The following NADK2 variants were observed in gnomAD, a reference collection of about 807,000 sequenced individuals.
The protein encoded by NADK2 is NAD kinase domain-containing protein 1, mitochondrial.
A neutral mutation model predicts 62.1 loss-of-function variants in NADK2; 35 were observed. The observed-to-expected ratio is 0.56, with a 90% CI of 0.43 to 0.75. The LOEUF is 0.75. Among genes scored for constraint, NADK2 ranks in the 30% least tolerant of loss-of-function variants. The probability of loss-of-function intolerance (pLI) is 0.00; values close to 1 mark genes in which losing one functional copy is unlikely to be tolerated. For synonymous variants in NADK2, 205 were observed against 207.9 expected, an observed-to-expected ratio of 0.99 and a Z score of 0.12; for missense variants, 439 against 561.3, an observed-to-expected ratio of 0.78 and a Z score of 2.20.
chr5:36,230,564 T>C (rs1478113257), intron 1 of NADK2, among the ~76,000 whole-genome samples: 2 of 152,250 alleles, frequency 1.3e-5, no homozygotes, highest in Non-Finnish European at 2.9e-5. Context: ...AGGGCCTAAG[T>C]ACTAGCTAAG....
At chr5:36,224,135 G>T (rs1393298388) in intron 4 of NADK2, among the ~76,000 whole-genome samples, 2 of 152,080 alleles carry the variant, frequency 1.3e-5, no homozygotes, top group African/African-American at 4.8e-5. Flanking sequence ...TAGGAAGTTT[G>T]TGTGCAACTC....
At chr5:36,227,695 C>A (rs879058116) in intron 1 of NADK2, 130 bp from the exon 2 acceptor site, 1 of 422,780 alleles carries the variant, frequency 2.4e-6, no homozygotes, top group East Asian at 3.9e-5. Flanking sequence ...ACCTGTGAAA[C>A]CTACAAGTAC....
intron 7 of NADK2, among the ~76,000 whole-genome samples, chr5:36,211,581 T>C (rs1746846098): frequency 6.6e-6 from 1 of 151,730 alleles, no homozygotes; most frequent in African/African-American, 2.4e-5. Context: ...AAAGCATCTA[T>C]ATAAACAGAT....
At chr5:36,220,721 T>C (rs1431969595) in intron 4 of NADK2, among the ~76,000 whole-genome samples, 1 of 152,230 alleles carries the variant, frequency 6.6e-6, no homozygotes, top group African/African-American at 2.4e-5. Flanking sequence ...TCTAAAACCC[T>C]TGCAGAGAGA....
chr5:36,195,393 G>T (rs1360961196), intron 11 of NADK2, 111 bp from the exon 12 acceptor site: 1 of 1,150,866 alleles, frequency 8.7e-7, no homozygotes, highest in African/African-American at 1.6e-5. Flanking sequence ...AAATCAAGTT[G>T]TTCTCTGGTA....
rs563858093 is a variant in NADK2, at chr5:36,204,070, T to A, written c.957-2909A>T. Among the ~76,000 whole-genome samples the A allele has an allele frequency of 2.6e-5, 4 of 152,276 alleles. No homozygotes were observed. In the South Asian group the frequency reaches 8.3e-4, roughly 32 times the overall value. ...TGTATAACTTTGGCCTAAATATTTA[T>A]CCTTGCTAACCCTTAACTTACTCCT... On this transcript the variant is annotated intron_variant, in intron 8 of 11. Transcript: ENST00000381937.
chr5:36,207,784 A>C (rs746090846), intron 7 of NADK2, among the ~76,000 whole-genome samples: 46 of 152,140 alleles, frequency 3.0e-4, no homozygotes, highest in Non-Finnish European at 5.9e-5. Context: ...TTAGATAATA[A>C]AGCTGTAAAG....
chr5:36,202,592 C>T lies in NADK2; in HGVS notation c.957-1431G>A, dbSNP rs1038501587. Among the ~76,000 whole-genome samples the T allele has an allele frequency of 7.2e-5, 11 of 152,110 alleles. No homozygotes were observed. In the South Asian group the frequency reaches 1.5e-3, roughly 20 times the overall value. On this transcript the variant is annotated intron_variant, in intron 8 of 11. Transcript: ENST00000381937. ...CCCCAAACCTGTTTTTCTTCCTGAACGCATAGGTTATATTTTCTAGCTCTT... is the reference window on the plus strand; with the variant it reads ...CCCCAAACCTGTTTTTCTTCCTGAATGCATAGGTTATATTTTCTAGCTCTT...
At chr5:36,211,494 G>T (rs1746840077) in intron 7 of NADK2, among the ~76,000 whole-genome samples, 1 of 151,118 alleles carries the variant, frequency 6.6e-6, no homozygotes, top group Admixed American at 6.6e-5. Context: ...GGCAGAGGTT[G>T]AAGTGAGCCA....
chr5:36,196,628 T>C (rs1746242790), intron 11 of NADK2, among the ~76,000 whole-genome samples: 1 of 152,186 alleles, frequency 6.6e-6, no homozygotes, highest in South Asian at 2.1e-4. Flanking sequence ...ACTTCCAGTG[T>C]AGTTCAATTT....
At chr5:36,208,529 A>G in intron 7 of NADK2, 1 of 832,892 alleles carries the variant, frequency 1.2e-6, no homozygotes, top group South Asian at 1.7e-5. Context: ...GAGCAAATTT[A>G]GTGTCATTCT....
chr5:36,241,780 A>G lies in NADK2; in HGVS notation c.19T>C (p.Phe7Leu). The change falls in exon 1 of 12, where the codon TTC becomes CTC. Residue 7 changes from phenylalanine (F) to leucine (L), a missense_variant. Phe to Leu is a conservative substitution (Grantham distance 22). Transcript: ENST00000381937. This position sits in a 1 kb window ranked among gnomAD's most constrained non-coding sequence, Gnocchi z 4.9. MTCYRG[F>L]LLGSCCRVAG... The stretch of plus-strand genomic sequence containing the variant: ...ACGCGACAACAGCTGCCCAGCAAGA[A>G]GCCTCGGTAGCAAGTCATCGTGGGC... 1.5e-6 allele frequency: 2 copies of G among 1,338,190 alleles called. No homozygotes were observed. Among genetic ancestry groups the G allele is most frequent in the Non-Finnish European group, 1.9e-6 (2 of 1,039,868 alleles). The allele number at this position is 1,338,190 out of a possible 1,614,324, so 82.9% of individuals were successfully genotyped here.
intron 1 of NADK2, among the ~76,000 whole-genome samples, chr5:36,237,548 A>G (rs891933187): frequency 6.6e-6 from 1 of 152,230 alleles, no homozygotes; most frequent in East Asian, 1.9e-4. Flanking sequence ...AATATTTTGT[A>G]TCTTTTATAT....
At chr5:36,213,320 C>T (rs1746918550) in intron 6 of NADK2, 1 of 152,080 alleles carries the variant, frequency 6.6e-6, no homozygotes, top group Non-Finnish European at 1.5e-5. Context: ...ACTATAGTTA[C>T]CAAATACACT....
At chr5:36,216,784 A>G (rs143849157) in intron 6 of NADK2, among the ~76,000 whole-genome samples, 2,106 of 152,268 alleles carry the variant, frequency 0.014, 23 homozygotes, top group South Asian at 0.043. Context: ...ACCATCTATT[A>G]GTGGTAGAAG....
chr5:36,230,372 C>T (rs989737971), intron 1 of NADK2, among the ~76,000 whole-genome samples: 1 of 152,216 alleles, frequency 6.6e-6, no homozygotes, highest in South Asian at 2.1e-4. Context: ...CTAGTGCTGC[C>T]CTTGCAGCTG....
rs574883155 is a variant in NADK2 at position 36,195,247 on chromosome 5, A to G, written c.1226T>C (p.Met409Thr). 1.2e-6 allele frequency: 2 copies of G among 1,612,422 alleles called. No individual in the cohort carries two copies. The highest frequency in any genetic ancestry group is 2.2e-5 in the South Asian group (2 of 90,600). Residue 409 changes from methionine (M) to threonine (T), a missense_variant, in exon 12 of 12, where the codon ATG (methionine) becomes ACG (threonine). By Grantham distance (81) the Met-to-Thr change is moderately conservative. Coordinates refer to ENST00000381937, the MANE Select transcript of NADK2 (RefSeq NM_001085411.3). ...CVRSRCWDACMVVDGGTSFEF... is the reference protein window; with the variant it reads ...CVRSRCWDACTVVDGGTSFEF... ...AAAAGAAGTTCCTCCATCCACAACC[A>G]TACAGGCATCCCAACAACGAGAACG... is the stretch of plus-strand genomic sequence containing the variant.
At chr5:36,203,504 G>A (rs745788368) in intron 8 of NADK2, among the ~76,000 whole-genome samples, 11 of 152,076 alleles carry the variant, frequency 7.2e-5, no homozygotes, top group Non-Finnish European at 1.5e-4. Flanking sequence ...AGAAGAGACT[G>A]AGCAACGAAG....
Position 36,227,530 on chromosome 5 carries a change from A to G in NADK2, c.336T>C (p.Leu112=). The G allele has an allele frequency of 6.4e-7, 1 of 1,559,328 alleles. No individual in the cohort carries two copies. Among genetic ancestry groups the G allele is most frequent in the African/African-American group, 1.4e-5 (1 of 73,264 alleles). The part of the protein sequence containing the change: ...ALKGSSYSGL[L]ERHHIHTKNV... ...TTTTGGTGTGAATATGATGTCGTTC[A>G]AGAAGTCCACTGTAACTAGAGCCTT... The change falls in exon 2 of 12, where the codon CTT becomes CTC. Residue 112 remains leucine, a synonymous_variant. Coordinates refer to ENST00000381937, the MANE Select transcript of NADK2 (RefSeq NM_001085411.3).
Sources: gnomAD v4.1 joint callset for allele counts (sites outside exome capture counted in the v4.1 genomes callset) on GRCh38, gnomAD v4.1.1 for gene constraint, Gnocchi (gnomAD v3.1) non-coding constraint, MANE v1.5 for transcripts, NCBI Gene and HGNC (gene_info 2026-07-23, HGNC 2026-07-21) for gene names.